The following FANCI variants were observed in gnomAD, a reference collection of about 807,000 sequenced individuals.
FANCI encodes the protein FA complementation group I, also known as Fanconi anemia group I protein.
Under a neutral mutation model 176.1 loss-of-function variants are expected in FANCI, and 156 were observed. That is an observed-to-expected ratio of 0.89 (90% CI 0.78 to 1.01). The LOEUF (loss-of-function observed/expected upper bound fraction) is 1.01. FANCI is among the 50% of genes least tolerant of loss of function. FANCI has a pLI of 0.00. For missense variants in FANCI, 1,678 were observed against 1,534.1 expected (o/e 1.09, Z -1.57); for synonymous variants, 613 against 541.7 (o/e 1.13, Z -1.83).
rs760199293 is a variant in FANCI, at chr15:89,306,011, G to T, written c.3354G>T (p.Glu1118Asp). 6 of 1,614,032 alleles carry T rather than the reference G, an allele frequency of 3.7e-6. No homozygotes were observed. The highest frequency in any genetic ancestry group is 5.1e-6 in the Non-Finnish European group (6 of 1,180,030). ...GCCAATTTTATTTCCCTTTAGAAGAGGCCTCTTCTCAGGCAACCCTACCAA... is the reference window on the plus strand; with the variant it reads ...GCCAATTTTATTTCCCTTTAGAAGATGCCTCTTCTCAGGCAACCCTACCAA... ...GQVSQETLSE[E>D]ASSQATLPNQ... Residue 1118 changes from glutamate to aspartate, a missense_variant, in exon 32 of 38, where the codon GAG (glutamate) becomes GAT (aspartate). Coordinates refer to ENST00000310775, the MANE Select transcript of FANCI (RefSeq NM_001113378.2).
chr15:89,263,284 GTATT>G, intron 6 of FANCI, 131 bp from the exon 7 acceptor site: 1 of 710,676 alleles, frequency 1.4e-6, no homozygotes, highest in South Asian at 1.6e-5. Context: ...GTTTTAAATG[GTATT>G]TATTTGATCT....
At chr15:89,257,017 C>T (rs972226003) in intron 2 of FANCI, among the ~76,000 whole-genome samples, 8 of 152,194 alleles carry the variant, frequency 5.3e-5, no homozygotes, top group African/African-American at 1.9e-4. Context: ...TGCCATTCTC[C>T]TGCCTCAGCC....
chr15:89,263,241 C>T (rs1039358685), intron 6 of FANCI, among the ~76,000 whole-genome samples, 178 bp from the exon 7 acceptor site: 2 of 151,904 alleles, frequency 1.3e-5, no homozygotes, highest in African/African-American at 2.4e-5. Flanking sequence ...TTTGATTTTG[C>T]GAGTCGGGTA....
rs369058619 is a variant in FANCI, at chr15:89,316,418, G to A, written c.3946G>A (p.Gly1316Arg). 2.6e-5 allele frequency: 42 copies of A among 1,611,664 alleles called. No homozygotes were observed. In the Admixed American group the frequency reaches 4.5e-4, roughly 17 times the overall value. ...NEEGTASEHG[G>R]QNKEPAKKKR... ...CTAGGGCACTGCATCAGAGCATGGGGGACAGAACAAAGAACCAGCCAAGAA... is the reference window on the plus strand; with the variant it reads ...CTAGGGCACTGCATCAGAGCATGGGAGACAGAACAAAGAACCAGCCAAGAA... The change falls in exon 38 of 38, where the codon GGA becomes AGA. Residue 1316 changes from glycine (G) to arginine (R), a missense_variant. By Grantham distance (125) the Gly-to-Arg change is moderately radical (BLOSUM62 -2). Coordinates refer to ENST00000310775, the MANE Select transcript of FANCI (RefSeq NM_001113378.2).
At chr15:89,283,582 A>C (rs1238466504) in intron 17 of FANCI, among the ~76,000 whole-genome samples, 1 of 152,240 alleles carries the variant, frequency 6.6e-6, no homozygotes, top group Non-Finnish European at 1.5e-5. Context: ...GAAATAAAAG[A>C]ATGTAAAAAT....
intron 26 of FANCI, 115 bp downstream of exon 26, chr15:89,300,500 C>T: frequency 1.2e-6 from 1 of 833,900 alleles, no homozygotes; most frequent in Non-Finnish European, 2.0e-6. Context: ...AGAATTTTTT[C>T]TGGGTCATAC....
At chr15:89,273,511 T>TGAAA in intron 11 of FANCI, 42 bp downstream of exon 11, 1 of 476,344 alleles carries the variant, frequency 2.1e-6, no homozygotes, top group African/African-American at 3.0e-5. Flanking sequence ...CTGTAGTTGG[T>TGAAA]AAAAAAAAAA....
At chr15:89,300,546 T>C (rs2054488971) in intron 26 of FANCI, among the ~76,000 whole-genome samples, 161 bp downstream of exon 26, 1 of 152,174 alleles carries the variant, frequency 6.6e-6, no homozygotes, top group African/African-American at 2.4e-5. Flanking sequence ...TGGAAGATAA[T>C]GTATTTAAAA....
rs147496890 is a variant in FANCI at position 89,305,622 on chromosome 15, G to A, written c.3273G>A (p.Gln1091=). ...TCTTTCAGTTACTTGTTCTGAGTCA[G>A]GCCGAGAAGGTTCTAGAAGAAGTGG... ...APTVCLLVLS[Q]AEKVLEEVDW... The change falls in exon 31 of 38, where the codon CAG becomes CAA. Residue 1091 remains glutamine, a synonymous_variant. Coordinates refer to ENST00000310775, the MANE Select transcript of FANCI (RefSeq NM_001113378.2). 4 of 1,614,044 alleles carry A rather than the reference G, an allele frequency of 2.5e-6. No homozygotes were observed. Among genetic ancestry groups the A allele is most frequent in the Non-Finnish European group, 3.4e-6 (4 of 1,180,034 alleles).
chr15:89,293,932 C>G lies in FANCI; in HGVS notation c.2391C>G (p.Ala797=). 1 of 1,614,048 alleles carries G rather than the reference C, an allele frequency of 6.2e-7. No individual in the cohort carries two copies. The highest frequency in any genetic ancestry group is 8.5e-7 in the Non-Finnish European group (1 of 1,180,002). ...CGGGTAAAGCCAAAACTAAAATGGC[C>G]AACAAGACAAGTGATAGTCTTTTGT... is the stretch of plus-strand genomic sequence containing the variant. The part of the protein sequence containing the change: ...EKAGKAKTKM[A]NKTSDSLLSM... Residue 797 remains alanine (A), a synonymous_variant, in exon 23 of 38, where the codon GCC becomes GCG. Coordinates refer to ENST00000310775, the MANE Select transcript of FANCI (RefSeq NM_001113378.2).
intron 4 of FANCI, among the ~76,000 whole-genome samples, chr15:89,261,134 C>T (rs1259415705): frequency 6.6e-6 from 1 of 151,870 alleles, no homozygotes; most frequent in Non-Finnish European, 1.5e-5. Flanking sequence ...TAGCCGGGCT[C>T]GTGGCGCATG....
chr15:89,248,011 T>C (rs1164044369), intron 2 of FANCI, among the ~76,000 whole-genome samples: 1 of 152,230 alleles, frequency 6.6e-6, no homozygotes, highest in Non-Finnish European at 1.5e-5. Flanking sequence ...ATTAGTATAC[T>C]TTTATGGTCC....
Position 89,285,086 on chromosome 15 carries a change from T to A in FANCI, c.1699-10T>A. On this transcript the variant is annotated splice_polypyrimidine_tract_variant and intron_variant, in intron 17 of 37. Transcript: ENST00000310775. ...TAAGATAGACGTGAATTGGCCTGTCTTCCTTTCAGGTTCATGTGGATGTTC... is the reference window on the plus strand; with the variant it reads ...TAAGATAGACGTGAATTGGCCTGTCATCCTTTCAGGTTCATGTGGATGTTC... The A allele has an allele frequency of 6.2e-7, 1 of 1,614,048 alleles. No individual in the cohort carries two copies.
chr15:89,295,205 G>C, intron 24 of FANCI, 111 bp downstream of exon 24: 2 of 1,269,464 alleles, frequency 1.6e-6, no homozygotes, highest in Non-Finnish European at 2.1e-6. Context: ...TATTTTAGGA[G>C]TGAAAGAATA....
intron 10 of FANCI, 51 bp from the exon 11 acceptor site, chr15:89,273,326 A>AT: frequency 2.3e-6 from 2 of 857,770 alleles, no homozygotes; most frequent in Non-Finnish European, 3.7e-6. Flanking sequence ...AAAAAAAAAA[A>AT]GAAAAAAGAA....
At chr15:89,267,484 T>C (rs1437171235) in intron 9 of FANCI, among the ~76,000 whole-genome samples, 2 of 152,070 alleles carry the variant, frequency 1.3e-5, no homozygotes, top group Non-Finnish European at 2.9e-5. Flanking sequence ...AGGTCATTTG[T>C]GACCCTTGAA....
chr15:89,262,756 A>G (rs992475160), intron 6 of FANCI, among the ~76,000 whole-genome samples: 4 of 152,212 alleles, frequency 2.6e-5, no homozygotes, highest in Admixed American at 6.5e-5. Flanking sequence ...ATTTAATACA[A>G]CTGTCCATGT....
chr15:89,260,060 T>C (rs2052650780), intron 3 of FANCI, among the ~76,000 whole-genome samples: 1 of 152,216 alleles, frequency 6.6e-6, no homozygotes, highest in South Asian at 2.1e-4. Flanking sequence ...CCAAACTGTT[T>C]TCCAATGTGG....
At chr15:89,258,293 C>G (rs73475375) in intron 2 of FANCI, among the ~76,000 whole-genome samples, 8,385 of 152,208 alleles carry the variant, frequency 0.055, 730 homozygotes, top group African/African-American at 0.19. Flanking sequence ...CACTTATTGT[C>G]TATCTCAGCC....
Sources: allele counts gnomAD v4.1 joint callset (sites outside exome capture counted in the v4.1 genomes callset), GRCh38; gene constraint gnomAD v4.1.1; transcripts MANE v1.5; gene names NCBI Gene and HGNC (gene_info 2026-07-23, HGNC 2026-07-21).